Variants in LUZP2 observed in about 807,000 individuals in gnomAD.
LUZP2 encodes leucine zipper protein 2.
A neutral mutation model predicts 51.6 loss-of-function variants in LUZP2; 52 were observed. That is an observed-to-expected ratio of 1.01 (90% CI 0.81 to 1.27). The LOEUF (loss-of-function observed/expected upper bound fraction) is 1.27. LUZP2 is among the 50% of genes most tolerant of loss of function. The probability of loss-of-function intolerance (pLI) is 0.00; values close to 1 mark genes in which losing one functional copy is unlikely to be tolerated. For synonymous variants in LUZP2, 154 were observed against 137.3 expected (o/e 1.12, Z -0.85); for missense variants, 436 against 395.4 (o/e 1.10, Z -0.87).
intron 9 of LUZP2, among the ~76,000 whole-genome samples, chr11:24,988,465 C>A (rs1198699437): frequency 6.6e-6 from 1 of 152,098 alleles, no homozygotes; most frequent in East Asian, 1.9e-4. Context: ...TGTTTCCTCA[C>A]AACTTTCTAA....
intron 1 of LUZP2, among the ~76,000 whole-genome samples, chr11:24,674,261 A>G (rs1359788159): frequency 6.6e-6 from 1 of 152,092 alleles, no homozygotes; most frequent in African/African-American, 2.4e-5. Context: ...CTCTGGTTCC[A>G]CTTTTATTTC....
intron 7 of LUZP2, among the ~76,000 whole-genome samples, chr11:24,957,220 C>A (rs55633286): frequency 0.044 from 6,690 of 152,044 alleles, 340 homozygotes; most frequent in African/African-American, 0.12. Flanking sequence ...GATCCTAATT[C>A]TTTTTTAAAT....
At chr11:24,729,077 T>C (rs552955066) in intron 1 of LUZP2, 92 bp from the exon 2 acceptor site, 12 of 559,084 alleles carry the variant, frequency 2.1e-5, no homozygotes, top group African/African-American at 9.6e-5. Flanking sequence ...TTAACTTCTC[T>C]AGATTTCACT....
At chr11:24,581,061 C>A (rs1183593440) in intron 1 of LUZP2, among the ~76,000 whole-genome samples, 3 of 151,948 alleles carry the variant, frequency 2.0e-5, no homozygotes, top group African/African-American at 4.8e-5. Flanking sequence ...CAGTTTTAGT[C>A]CACCTCAGTC....
intron 9 of LUZP2, among the ~76,000 whole-genome samples, chr11:24,991,408 A>ATATATG (rs1856340315): frequency 6.8e-6 from 1 of 147,686 alleles, no homozygotes; most frequent in Non-Finnish European, 1.5e-5. Flanking sequence ...ATATATATAT[A>ATATATG]TATATATATA....
chr11:25,064,987 C>A (rs534603776), intron 10 of LUZP2, among the ~76,000 whole-genome samples: 1 of 151,992 alleles, frequency 6.6e-6, no homozygotes, highest in Non-Finnish European at 1.5e-5. Flanking sequence ...CTACTCAGAC[C>A]AATCTCTAAA....
intron 1 of LUZP2, among the ~76,000 whole-genome samples, chr11:24,616,864 A>G (rs1854306349): frequency 6.6e-6 from 1 of 152,182 alleles, no homozygotes; most frequent in African/African-American, 2.4e-5. Context: ...TTAAATCTGT[A>G]TATCAAGTTG....
At chr11:24,789,969 C>T (rs1849364175) in intron 5 of LUZP2, among the ~76,000 whole-genome samples, 1 of 152,190 alleles carries the variant, frequency 6.6e-6, no homozygotes, top group Non-Finnish European at 1.5e-5. Flanking sequence ...ATTTACTCTG[C>T]TTTCTCAACT....
chr11:24,669,492 T>C (rs768755204), intron 1 of LUZP2, among the ~76,000 whole-genome samples: 5 of 152,274 alleles, frequency 3.3e-5, no homozygotes, highest in African/African-American at 1.2e-4. Context: ...CAATTAATGC[T>C]ACAATTGTTT....
intron 1 of LUZP2, among the ~76,000 whole-genome samples, chr11:24,694,028 AG>A (rs1857162091): frequency 1.3e-5 from 2 of 152,178 alleles, no homozygotes; most frequent in Admixed American, 6.6e-5. Context: ...AAATTCAGAG[AG>A]CAATTTGGAA....
intron 4 of LUZP2, among the ~76,000 whole-genome samples, chr11:24,762,664 C>G (rs942668797): frequency 6.6e-6 from 1 of 152,040 alleles, no homozygotes; most frequent in African/African-American, 2.4e-5. Context: ...TACTATACTA[C>G]CATTTTTTAC....
At chr11:25,064,870 A>G (rs1213186864) in intron 10 of LUZP2, among the ~76,000 whole-genome samples, 1 of 152,018 alleles carries the variant, frequency 6.6e-6, no homozygotes, top group Non-Finnish European at 1.5e-5. Context: ...ATTTGTTGAC[A>G]TTTGTGACTT....
rs1324358482 is a variant in LUZP2 at position 25,078,640 on chromosome 11, A to G, written c.1023A>G (p.Arg341=). Residue 341 remains arginine, a synonymous_variant, in exon 12 of 12, where the codon AGA becomes AGG. Transcript: ENST00000336930. ...PLTSFEGMAA[R]EEKIL is the part of the protein sequence containing the mutation. ...CCAGCTTTGAAGGGATGGCAGCTAGAGAAGAAAAAATACTGTAAATACTAA... is the reference window on the plus strand; with the variant it reads ...CCAGCTTTGAAGGGATGGCAGCTAGGGAAGAAAAAATACTGTAAATACTAA... The G allele has an allele frequency of 6.2e-7, 1 of 1,607,316 alleles. No homozygotes were observed. The highest frequency in any genetic ancestry group is 1.1e-5 in the South Asian group (1 of 89,574).
intron 1 of LUZP2, among the ~76,000 whole-genome samples, chr11:24,705,081 T>C (rs1325194654): frequency 6.6e-6 from 1 of 152,176 alleles, no homozygotes; most frequent in Non-Finnish European, 1.5e-5. Flanking sequence ...GGGGTATTTT[T>C]TTTTCATTCT....
intron 7 of LUZP2, among the ~76,000 whole-genome samples, chr11:24,960,819 G>A (rs1206973203): frequency 6.6e-6 from 1 of 151,984 alleles, no homozygotes; most frequent in African/African-American, 2.4e-5. Context: ...TGCTTTTCTA[G>A]TTCTTTTAAT....
intron 1 of LUZP2, among the ~76,000 whole-genome samples, chr11:24,635,001 C>T (rs560794588): frequency 6.6e-6 from 1 of 152,064 alleles, no homozygotes; most frequent in East Asian, 1.9e-4. Context: ...TAACGTTAAA[C>T]ATAACCTAAA....
chr11:24,958,790 G>A (rs1004405566), intron 7 of LUZP2, among the ~76,000 whole-genome samples: 2 of 152,076 alleles, frequency 1.3e-5, no homozygotes, highest in African/African-American at 4.8e-5. Flanking sequence ...GGCTTTTGTT[G>A]CCATTGCTTT....
intron 11 of LUZP2, among the ~76,000 whole-genome samples, chr11:25,078,148 C>T (rs1298223337): frequency 6.6e-6 from 1 of 152,106 alleles, no homozygotes; most frequent in Non-Finnish European, 1.5e-5. Flanking sequence ...AAACACAAGT[C>T]AAGAGCTTAA....
intron 9 of LUZP2, among the ~76,000 whole-genome samples, chr11:25,015,211 C>T (rs922890312): frequency 4.6e-5 from 7 of 152,080 alleles, no homozygotes; most frequent in Non-Finnish European, 8.8e-5. Context: ...CATTATTATC[C>T]TGTTTTAAAA....
Sources: gnomAD v4.1 joint callset for allele counts (sites outside exome capture counted in the v4.1 genomes callset) on GRCh38, gnomAD v4.1.1 for gene constraint, MANE v1.5 for transcripts, NCBI Gene and HGNC (gene_info 2026-07-23, HGNC 2026-07-21) for gene names.